Variants in ZCCHC14 observed in about 807,000 individuals in gnomAD.
ZCCHC14 encodes the protein zinc finger CCHC domain-containing protein 14.
ZCCHC14 carries 16 observed loss-of-function variants against 85.0 expected under a neutral mutation model. The ratio of observed to expected loss-of-function variants is 0.19; its 90% CI spans 0.13 to 0.29. The LOEUF is 0.29. Ranked by LOEUF, ZCCHC14 falls within the 10% of genes least tolerant of loss-of-function variation. The probability of loss-of-function intolerance (pLI) is 1.00; values close to 1 mark genes in which losing one functional copy is unlikely to be tolerated. For synonymous variants in ZCCHC14, 775 were observed against 630.7 expected, an observed-to-expected ratio of 1.23 and a Z score of -3.43; for missense variants, 1,303 against 1,443.5, an observed-to-expected ratio of 0.90 and a Z score of 1.58.
intron 2 of ZCCHC14, among the ~76,000 whole-genome samples, chr16:87,451,917 G>T (rs1567529576): frequency 2.0e-5 from 3 of 152,256 alleles, no homozygotes; most frequent in Non-Finnish European, 4.4e-5. Flanking sequence ...ACGAGCCTGG[G>T]CAGTTATTTC....
chr16:87,428,629 C>A (rs1329394541), intron 3 of ZCCHC14, among the ~76,000 whole-genome samples: 1 of 152,232 alleles, frequency 6.6e-6, no homozygotes, highest in Non-Finnish European at 1.5e-5. Context: ...CTGTTCTGAT[C>A]TGAGGGCACC....
At chr16:87,487,920 C>T (rs958868140) in intron 1 of ZCCHC14, among the ~76,000 whole-genome samples, 8 of 149,470 alleles carry the variant, frequency 5.4e-5, no homozygotes, top group African/African-American at 1.7e-4. Flanking sequence ...TTATATGCAA[C>T]GTCCAAAAAA....
chr16:87,411,715 A>G lies in ZCCHC14; in HGVS notation c.3006T>C (p.Ser1002=). 4.3e-6 allele frequency: 7 copies of G among 1,613,972 alleles called. No homozygotes were observed. Among genetic ancestry groups the G allele is most frequent in the Non-Finnish European group, 5.9e-6 (7 of 1,180,006 alleles). The change falls in exon 12 of 13, where the codon AGT becomes AGC. Residue 1002 remains serine, a synonymous_variant. Transcript: ENST00000671377. ...GTGGCACGGCAAACGTGGACTGCCC[A>G]CTCAGGACAGGGTCTGGGGTCCCGC... is the stretch of plus-strand genomic sequence containing the variant. ...SSSGTPDPVL[S]GQSTFAVPPM... is the part of the protein sequence containing the mutation.
chr16:87,430,055 A>G (rs1250347412), intron 3 of ZCCHC14, among the ~76,000 whole-genome samples: 1 of 152,210 alleles, frequency 6.6e-6, no homozygotes, highest in African/African-American at 2.4e-5. Context: ...AGAAAGTTTC[A>G]AATCTTAATA....
intron 3 of ZCCHC14, among the ~76,000 whole-genome samples, chr16:87,431,453 A>G (rs973594801): frequency 2.0e-5 from 3 of 148,968 alleles, no homozygotes; most frequent in African/African-American, 7.5e-5. Context: ...AGCCTGGGCG[A>G]CAGAGCAAGG....
intron 1 of ZCCHC14, among the ~76,000 whole-genome samples, chr16:87,484,580 T>C (rs770409022): frequency 5.3e-5 from 8 of 152,178 alleles, no homozygotes; most frequent in Non-Finnish European, 1.2e-4. Flanking sequence ...AAAGAACATG[T>C]GAACATATAT....
intron 4 of ZCCHC14, among the ~76,000 whole-genome samples, chr16:87,422,655 G>A (rs1401652247): frequency 6.6e-6 from 1 of 151,928 alleles, no homozygotes; most frequent in African/African-American, 2.4e-5. Context: ...AGAATTGCTT[G>A]AAGCCGGGAG....
chr16:87,417,673 G>C lies in ZCCHC14; in HGVS notation c.1170C>G (p.Ala390=), dbSNP rs145026219. 1 of 1,611,224 alleles carries C rather than the reference G, an allele frequency of 6.2e-7. No individual in the cohort carries two copies. Among genetic ancestry groups the C allele is most frequent in the Non-Finnish European group, 8.5e-7 (1 of 1,179,022 alleles). The change falls in exon 8 of 13, where the codon GCC becomes GCG. Residue 390 remains alanine, a synonymous_variant. Transcript: ENST00000671377. ...AGTGAGGCAAGGGGGCGGCGGAGCC[G>C]GCCGGGTGCTGCCCGTGGTGCTGGG... ...SGAQHHGQHP[A]GSAAPLPHCS...
chr16:87,419,948 T>G lies in ZCCHC14; in HGVS notation c.951-71A>C, dbSNP rs1909006091. 20 of 1,360,808 alleles carry G rather than the reference T, an allele frequency of 1.5e-5. No homozygotes were observed. The South Asian group carries it at 2.4e-4, about 17-fold the overall frequency. The allele number at this position is 1,360,808 out of a possible 1,614,324, so 84.3% of individuals were successfully genotyped here. On this transcript the variant is annotated intron_variant, in intron 5 of 12. Coordinates refer to ENST00000671377, the MANE Select transcript of ZCCHC14 (RefSeq NM_015144.3). The stretch of plus-strand genomic sequence containing the variant: ...TGCTGACGAATTGAAAGAAAAAAAT[T>G]TAACTTTTAATCAAGAGAAATGTGT...
At position 87,420,818 on chromosome 16, in the gene ZCCHC14, G is replaced by T; in HGVS notation, c.841-102C>A. On this transcript the variant is annotated intron_variant, in intron 4 of 12. Transcript: ENST00000671377. The surrounding 1 kb of genome is among the most constrained non-coding windows in gnomAD (Gnocchi z 5.0). ...CCTGGGGCAGGTGCTCCATGGTGCC[G>T]CCTGCTGGTCTGATATGATTTACAC... 2 of 916,334 alleles carry T rather than the reference G, an allele frequency of 2.2e-6. No homozygotes were observed. The highest frequency in any genetic ancestry group is 3.3e-6 in the Non-Finnish European group (2 of 603,938). The allele number at this position is 916,334 out of a possible 1,614,324, so 56.8% of individuals were successfully genotyped here. A position where few individuals can be genotyped will look rare whatever the true frequency, so the allele number is the denominator to read the frequency against.
chr16:87,458,369 G>T (rs1296622218), intron 2 of ZCCHC14, among the ~76,000 whole-genome samples: 1 of 152,226 alleles, frequency 6.6e-6, no homozygotes, highest in Non-Finnish European at 1.5e-5. Context: ...GGCATCACCA[G>T]GATGAGGGTG....
Position 87,492,835 on chromosome 16 carries a change from G to A in ZCCHC14, c.-597C>T, listed in dbSNP as rs1311565071. Among the ~76,000 whole-genome samples, 5 of 147,834 alleles carry A rather than the reference G, an allele frequency of 3.4e-5. No homozygotes were observed. Among genetic ancestry groups the A allele is most frequent in the African/African-American group, 7.3e-5 (3 of 41,024 alleles). On this transcript the variant is annotated 5_prime_UTR_variant, in exon 1 of 13. Transcript: ENST00000671377. The surrounding 1 kb of genome is among the most constrained non-coding windows in gnomAD (Gnocchi z 6.7). ...CTGGAGGGGGAGGGACGCGCGGCGG[G>A]AGGCGCGGAGGGATCCGGCCGGGAC...
intron 3 of ZCCHC14, among the ~76,000 whole-genome samples, chr16:87,425,572 A>G (rs1909327195): frequency 6.6e-6 from 1 of 151,210 alleles, no homozygotes; most frequent in Non-Finnish European, 1.5e-5. Flanking sequence ...GCGAAACTCT[A>G]TCAAAAAAAA....
chr16:87,428,860 T>C (rs1909506453), intron 3 of ZCCHC14, among the ~76,000 whole-genome samples: 1 of 151,524 alleles, frequency 6.6e-6, no homozygotes, highest in East Asian at 1.9e-4. Context: ...TGGCTGAGTA[T>C]CTCAGTTGTC....
chr16:87,462,879 G>A (rs1345348129), intron 1 of ZCCHC14, among the ~76,000 whole-genome samples: 1 of 151,322 alleles, frequency 6.6e-6, no homozygotes, highest in East Asian at 2.0e-4. Flanking sequence ...AGACCAGCCT[G>A]ACCAACATGG....
intron 2 of ZCCHC14, among the ~76,000 whole-genome samples, chr16:87,452,593 G>A (rs1157956406): frequency 6.6e-6 from 1 of 152,174 alleles, no homozygotes; most frequent in African/African-American, 2.4e-5. Context: ...GGGAAAGCCA[G>A]GCAAGGGTGT....
intron 1 of ZCCHC14, among the ~76,000 whole-genome samples, chr16:87,481,540 G>A: frequency 3.2e-5 from 1 of 31,300 alleles, no homozygotes; most frequent in Non-Finnish European, 8.6e-5. Flanking sequence ...GGGGGGGGGG[G>A]GTGGGGGGGG....
intron 1 of ZCCHC14, among the ~76,000 whole-genome samples, chr16:87,489,505 A>G (rs956466655): frequency 3.3e-5 from 5 of 152,358 alleles, no homozygotes; most frequent in African/African-American, 1.2e-4. Context: ...AGAAAGCAGC[A>G]TTTACTGCAC....
chr16:87,483,269 T>A (rs1395310258), intron 1 of ZCCHC14, among the ~76,000 whole-genome samples: 1 of 120,664 alleles, frequency 8.3e-6, no homozygotes, highest in African/African-American at 3.2e-5. Context: ...ACCAGCCTGG[T>A]CAACATGGTG....
Sources: gnomAD v4.1 joint callset for allele counts (sites outside exome capture counted in the v4.1 genomes callset) on GRCh38, gnomAD v4.1.1 for gene constraint, Gnocchi (gnomAD v3.1) non-coding constraint, MANE v1.5 for transcripts, NCBI Gene and HGNC (gene_info 2026-07-23, HGNC 2026-07-21) for gene names.